Variants in FAM135B observed in about 807,000 individuals in gnomAD.
FAM135B encodes protein FAM135B.
A neutral mutation model predicts 127.7 loss-of-function variants in FAM135B; 43 were observed. The ratio of observed to expected loss-of-function variants is 0.34; its 90% confidence interval spans 0.26 to 0.43. The LOEUF (loss-of-function observed/expected upper bound fraction) is 0.43, where lower values mean the gene tolerates loss of function less well. Among genes scored for constraint, FAM135B ranks in the 20% least tolerant of loss-of-function variants. The pLI is 1.00. For synonymous variants in FAM135B, 670 were observed against 665.1 expected (o/e 1.01, Z -0.11); for missense variants, 1,558 against 1,725.6 (o/e 0.90, Z 1.72).
chr8:138,405,290 T>C (rs1368113093), intron 1 of FAM135B, among the ~76,000 whole-genome samples: 14 of 151,538 alleles, frequency 9.2e-5, no homozygotes, highest in African/African-American at 1.2e-4. Context: ...TACATATGTA[T>C]ACATGTGCCA....
chr8:138,205,547 A>T (rs1817487443), intron 7 of FAM135B, among the ~76,000 whole-genome samples: 1 of 152,198 alleles, frequency 6.6e-6, no homozygotes, highest in Admixed American at 6.5e-5. Context: ...AACTAGCTGC[A>T]ATCTGGGAAA....
intron 1 of FAM135B, among the ~76,000 whole-genome samples, chr8:138,495,505 A>C (rs1815356843): frequency 6.6e-6 from 1 of 152,178 alleles, no homozygotes. Context: ...CAATTAAAGA[A>C]CATAGCCTTT....
intron 3 of FAM135B, among the ~76,000 whole-genome samples, chr8:138,292,102 C>G (rs1022233171): frequency 7.9e-5 from 12 of 151,950 alleles, no homozygotes; most frequent in African/African-American, 2.4e-4. Context: ...ATTAAAAAAT[C>G]AGTTGTGTTT....
At chr8:138,366,388 G>A (rs1211573926) in intron 2 of FAM135B, among the ~76,000 whole-genome samples, 1 of 152,204 alleles carries the variant, frequency 6.6e-6, no homozygotes, top group African/African-American at 2.4e-5. Context: ...CCTGGACTCA[G>A]GAGTACTGGC....
chr8:138,296,937 A>G (rs1184768609), intron 3 of FAM135B, among the ~76,000 whole-genome samples: 1 of 152,168 alleles, frequency 6.6e-6, no homozygotes, highest in Non-Finnish European at 1.5e-5. Context: ...AATGAGAGGT[A>G]TGGGGAGCTC....
intron 2 of FAM135B, among the ~76,000 whole-genome samples, chr8:138,343,726 C>T (rs1829210821): frequency 6.6e-6 from 1 of 152,204 alleles, no homozygotes; most frequent in Admixed American, 6.5e-5. Context: ...CTACTGTGTC[C>T]CCTGGAACTC....
intron 1 of FAM135B, among the ~76,000 whole-genome samples, chr8:138,481,282 C>T (rs1474261976): frequency 6.6e-6 from 1 of 152,194 alleles, no homozygotes; most frequent in African/African-American, 2.4e-5. Flanking sequence ...ATCATCCAGG[C>T]CACCTAGGAC....
chr8:138,447,872 G>C (rs1431419409), intron 1 of FAM135B, among the ~76,000 whole-genome samples: 4 of 151,680 alleles, frequency 2.6e-5, no homozygotes, highest in Non-Finnish European at 5.9e-5. Context: ...TAAAGGGACA[G>C]AGTGCTGGGG....
chr8:138,156,563 G>A (rs976164770), intron 12 of FAM135B, among the ~76,000 whole-genome samples: 7 of 151,992 alleles, frequency 4.6e-5, no homozygotes, highest in African/African-American at 1.7e-4. Context: ...GACTAATAAA[G>A]AAGAAAAGAG....
chr8:138,353,947 C>T (rs1394690583), intron 2 of FAM135B, among the ~76,000 whole-genome samples: 2 of 152,102 alleles, frequency 1.3e-5, no homozygotes, highest in Non-Finnish European at 2.9e-5. Flanking sequence ...TGATCCTCTT[C>T]TCCTTCAGCT....
chr8:138,179,079 G>A (rs72721687), intron 9 of FAM135B, among the ~76,000 whole-genome samples: 4,070 of 152,062 alleles, frequency 0.027, 69 homozygotes, highest in South Asian at 0.042. Context: ...GTTTTCCCTC[G>A]CTCTTCGTTT....
At chr8:138,350,878 C>A (rs140844887) in intron 2 of FAM135B, among the ~76,000 whole-genome samples, 53 of 152,264 alleles carry the variant, frequency 3.5e-4, no homozygotes, top group African/African-American at 1.2e-3. Context: ...TACCCACCAC[C>A]AGATAATGTC....
At chr8:138,298,008 C>T (rs1825601524) in intron 3 of FAM135B, among the ~76,000 whole-genome samples, 1 of 152,164 alleles carries the variant, frequency 6.6e-6, no homozygotes, top group Non-Finnish European at 1.5e-5. Context: ...ACCATCTGGA[C>T]TTGAATCCTA....
At position 138,457,746 on chromosome 8, in the gene FAM135B, C is replaced by A. The variant is rs565745685; in HGVS notation, c.-20+38925G>T. On this transcript the variant is annotated intron_variant, in intron 1 of 19. Coordinates refer to ENST00000395297, the MANE Select transcript of FAM135B (RefSeq NM_015912.4). ...CAACACTTTCAGAGGCTGAGGCAGG[C>A]TAATCGGATGAGGTCAGGAGTTCAA... 2.6e-5 allele frequency among the ~76,000 whole-genome samples: 4 copies of A among 152,198 alleles called. No individual in the cohort carries two copies. In the South Asian group the frequency reaches 8.3e-4, roughly 32 times the overall value.
At chr8:138,151,070 T>C (rs1320387629) in intron 13 of FAM135B, 124 bp downstream of exon 13, 3 of 576,596 alleles carry the variant, frequency 5.2e-6, no homozygotes, top group Admixed American at 3.7e-5. Context: ...ATATGGTATA[T>C]TACCTTATTT....
intron 1 of FAM135B, chr8:138,440,073 T>C (rs1444849959): frequency 6.6e-6 from 1 of 152,196 alleles, no homozygotes; most frequent in Non-Finnish European, 1.5e-5. Context: ...AGGGTGTTCT[T>C]GCCAGTCTCA....
At chr8:138,495,447 C>T (rs1815354803) in intron 1 of FAM135B, among the ~76,000 whole-genome samples, 1 of 152,118 alleles carries the variant, frequency 6.6e-6, no homozygotes, top group African/African-American at 2.4e-5. Context: ...AGAGGTTGGC[C>T]AAATCACATC....
chr8:138,461,856 CTCTG>C (rs1238465184), intron 1 of FAM135B, among the ~76,000 whole-genome samples: 1 of 152,170 alleles, frequency 6.6e-6, no homozygotes, highest in Non-Finnish European at 1.5e-5. Context: ...CTGATCTTCT[CTCTG>C]TATCGTTCAA....
Position 138,194,320 on chromosome 8 carries a change from C to T in FAM135B, c.873+938G>A, listed in dbSNP as rs546200274. 6.6e-5 allele frequency among the ~76,000 whole-genome samples: 10 copies of T among 152,310 alleles called. No homozygotes were observed. The East Asian group carries it at 9.7e-4, about 15-fold the overall frequency. ...CTCCTCTGTCTCTGCCTCCGCATTCCGCCCTCTCCAGGGATCTCCTCTGCA... is the reference window on the plus strand; with the variant it reads ...CTCCTCTGTCTCTGCCTCCGCATTCTGCCCTCTCCAGGGATCTCCTCTGCA... On this transcript the variant is annotated intron_variant, in intron 9 of 19. Coordinates refer to ENST00000395297, the MANE Select transcript of FAM135B (RefSeq NM_015912.4).
Sources: gnomAD v4.1 joint callset for allele counts (sites outside exome capture counted in the v4.1 genomes callset) on GRCh38, gnomAD v4.1.1 for gene constraint, MANE v1.5 for transcripts, NCBI Gene and HGNC (gene_info 2026-07-23, HGNC 2026-07-21) for gene names.